Variants in COL21A1 observed in about 807,000 individuals in gnomAD.
COL21A1 encodes collagen alpha-1(XXI) chain.
In COL21A1, 149 loss-of-function variants were observed where a neutral mutation model predicts 137.9. The ratio of observed to expected loss-of-function variants is 1.08; its 90% CI spans 0.95 to 1.24. The LOEUF is 1.24. Among genes scored for constraint, COL21A1 ranks in the 50% most tolerant of loss-of-function variants. COL21A1 has a pLI of 0.00. For synonymous variants in COL21A1, 456 were observed against 391.5 expected (o/e 1.16, Z -1.95); for missense variants, 1,167 against 1,158.4 (o/e 1.01, Z -0.11).
chr6:56,344,054 A>G (rs1472272543), intron 1 of COL21A1, among the ~76,000 whole-genome samples: 1 of 152,244 alleles, frequency 6.6e-6, no homozygotes, highest in African/African-American at 2.4e-5. Context: ...TTCAAAATTC[A>G]AATTTGCCTT....
intron 1 of COL21A1, among the ~76,000 whole-genome samples, chr6:56,378,566 G>A (rs946146634): frequency 2.6e-5 from 4 of 152,214 alleles, no homozygotes; most frequent in Non-Finnish European, 5.9e-5. Context: ...CGGTACAATA[G>A]AACACCAGGT....
chr6:56,300,020 G>C (rs1764244140), intron 1 of COL21A1, among the ~76,000 whole-genome samples: 1 of 152,066 alleles, frequency 6.6e-6, no homozygotes, highest in African/African-American at 2.4e-5. Context: ...AACAAGGCTA[G>C]CCAGCTTAGT....
At chr6:56,209,985 A>T (rs1226217550) in intron 1 of COL21A1, among the ~76,000 whole-genome samples, 2 of 152,130 alleles carry the variant, frequency 1.3e-5, no homozygotes, top group Non-Finnish European at 1.5e-5. Flanking sequence ...AGGGACATGG[A>T]TGAAGCTGGA....
At chr6:56,175,489 T>C (rs183424491) in intron 3 of COL21A1, among the ~76,000 whole-genome samples, 182 of 152,212 alleles carry the variant, frequency 1.2e-3, no homozygotes, top group Non-Finnish European at 2.1e-3. Flanking sequence ...GTTGTGTTTC[T>C]ATTCAGTAAC....
intron 1 of COL21A1, among the ~76,000 whole-genome samples, chr6:56,301,304 C>A (rs190393919): frequency 2.6e-5 from 4 of 152,230 alleles, no homozygotes; most frequent in Admixed American, 2.0e-4. Context: ...TTTGAAGATG[C>A]TATGCTGCTG....
chr6:56,375,745 C>T (rs1401084609), intron 1 of COL21A1, among the ~76,000 whole-genome samples: 4 of 152,112 alleles, frequency 2.6e-5, no homozygotes, highest in African/African-American at 7.2e-5. Context: ...CCCTGAAAGA[C>T]TTCATTATTG....
chr6:56,180,229 G>C (rs1175115825), intron 2 of COL21A1, 100 bp from the exon 3 acceptor site: 1 of 869,680 alleles, frequency 1.1e-6, no homozygotes, highest in East Asian at 2.7e-5. Context: ...TAATATCATT[G>C]CTTATTTTAA....
chr6:56,162,196 C>T (rs1776248564), intron 9 of COL21A1, among the ~76,000 whole-genome samples: 1 of 152,156 alleles, frequency 6.6e-6, no homozygotes, highest in Admixed American at 6.5e-5. Flanking sequence ...GGTCCATGTT[C>T]TGGGTAAGGA....
intron 17 of COL21A1, among the ~76,000 whole-genome samples, chr6:56,082,906 T>C (rs1767916317): frequency 6.6e-6 from 1 of 151,916 alleles, no homozygotes; most frequent in South Asian, 2.1e-4. Flanking sequence ...TCTAAATCTC[T>C]ATACTAGTTA....
chr6:56,335,486 T>C (rs1211503046), intron 1 of COL21A1, among the ~76,000 whole-genome samples: 1 of 152,198 alleles, frequency 6.6e-6, no homozygotes, highest in Non-Finnish European at 1.5e-5. Flanking sequence ...GCTTCTCTAA[T>C]CTTTGTCCCC....
chr6:56,165,915 C>CACACACAT (rs764359057), intron 7 of COL21A1, among the ~76,000 whole-genome samples: 2,743 of 102,720 alleles, frequency 0.027, 41 homozygotes, highest in African/African-American at 0.061. Context: ...ATTACACACA[C>CACACACAT]ACACACACAC....
At chr6:56,363,051 T>C (rs1209720525) in intron 1 of COL21A1, among the ~76,000 whole-genome samples, 6 of 152,198 alleles carry the variant, frequency 3.9e-5, no homozygotes, top group Non-Finnish European at 8.8e-5. Context: ...CTTTGGGGCA[T>C]TCTTCCTAGA....
At chr6:56,102,277 T>C (rs1353759179) in intron 16 of COL21A1, among the ~76,000 whole-genome samples, 1 of 152,152 alleles carries the variant, frequency 6.6e-6, no homozygotes, top group Non-Finnish European at 1.5e-5. Flanking sequence ...TATTAAACTA[T>C]CTGAGCAAAA....
At chr6:56,362,061 C>G (rs1399311810) in intron 1 of COL21A1, among the ~76,000 whole-genome samples, 1 of 152,178 alleles carries the variant, frequency 6.6e-6, no homozygotes, top group Non-Finnish European at 1.5e-5. Context: ...CCCCTGGAAA[C>G]CCTTGCCCAA....
intron 1 of COL21A1, among the ~76,000 whole-genome samples, chr6:56,184,648 T>C (rs1418071426): frequency 6.6e-6 from 1 of 152,240 alleles, no homozygotes; most frequent in Non-Finnish European, 1.5e-5. Context: ...TATGAAACAG[T>C]CACCAAAAAG....
At chr6:56,161,842 T>C (rs554398077) in intron 9 of COL21A1, among the ~76,000 whole-genome samples, 1 of 152,012 alleles carries the variant, frequency 6.6e-6, no homozygotes, top group East Asian at 1.9e-4. Context: ...TAAAGAACTT[T>C]AAAAAAAATA....
At chr6:56,243,225 C>T (rs1782448537) in intron 1 of COL21A1, among the ~76,000 whole-genome samples, 1 of 152,116 alleles carries the variant, frequency 6.6e-6, no homozygotes, top group Non-Finnish European at 1.5e-5. Context: ...CAATAAATTT[C>T]AAACATTCTA....
intron 23 of COL21A1, among the ~76,000 whole-genome samples, chr6:56,066,182 C>T (rs1766227271): frequency 1.3e-5 from 2 of 151,870 alleles, no homozygotes; most frequent in African/African-American, 4.8e-5. Context: ...ACCTCACTCC[C>T]AACTTCAATC....
chr6:56,335,367 C>A (rs1218314909), intron 1 of COL21A1, among the ~76,000 whole-genome samples: 1 of 152,170 alleles, frequency 6.6e-6, no homozygotes, highest in African/African-American at 2.4e-5. Context: ...TGCTACAAGT[C>A]AAACTTGCAG....
Sources: gnomAD v4.1 joint callset for allele counts (sites outside exome capture counted in the v4.1 genomes callset) on GRCh38, gnomAD v4.1.1 for gene constraint, MANE v1.5 for transcripts, NCBI Gene and HGNC (gene_info 2026-07-23, HGNC 2026-07-21) for gene names.